LIN7A: variants seen among roughly 807,000 people sequenced by gnomAD.
LIN7A encodes lin-7 cell polarity scaffold A, also known as protein lin-7 homolog A.
Under a neutral mutation model 29.8 loss-of-function variants are expected in LIN7A, and 25 were observed. The ratio of observed to expected loss-of-function variants is 0.84; its 90% CI spans 0.61 to 1.17. The LOEUF (loss-of-function observed/expected upper bound fraction) is 1.17. LIN7A is among the 50% of genes most tolerant of loss of function. LIN7A has a pLI of 0.00. For missense variants in LIN7A, 239 were observed against 287.0 expected, an observed-to-expected ratio of 0.83 and a Z score of 1.21; for synonymous variants, 118 against 107.5, an observed-to-expected ratio of 1.10 and a Z score of -0.60.
intron 2 of LIN7A, 135 bp from the exon 3 acceptor site, chr12:80,848,457 G>A: frequency 3.1e-6 from 2 of 635,544 alleles, no homozygotes; most frequent in South Asian, 3.8e-5. Context: ...TGATGTTTGG[G>A]AATGTACCTG....
rs1471568564 is a variant in LIN7A, at chr12:80,793,832, T to C, written c.*3895A>G. 1.3e-5 allele frequency: 2 copies of C among 152,162 alleles called. No homozygotes were observed. Among genetic ancestry groups the C allele is most frequent in the Admixed American group, 6.5e-5 (1 of 15,280 alleles). 9.4% of individuals were successfully genotyped at this position (152,162 alleles called of 1,614,324 possible). A position where few individuals can be genotyped will look rare whatever the true frequency, so the allele number is the denominator to read the frequency against. ...TAATATGCCTGATGATCTTTTTATA[T>C]AAAAATGAAAATATCTTTTATAAAA... On this transcript the variant is annotated 3_prime_UTR_variant, in exon 6 of 6. Transcript: ENST00000552864.
intron 4 of LIN7A, among the ~76,000 whole-genome samples, chr12:80,842,683 C>A (rs1377690094): frequency 6.6e-6 from 1 of 151,702 alleles, no homozygotes; most frequent in African/African-American, 2.4e-5. Flanking sequence ...ACTGATAAAA[C>A]CTCTGGGCTC....
At chr12:80,845,446 TA>T (rs1156353704) in intron 4 of LIN7A, 1 of 306,674 alleles carries the variant, frequency 3.3e-6, no homozygotes, top group Admixed American at 5.0e-5. Flanking sequence ...TGTATTCTTG[TA>T]AATGTTACTT....
At chr12:80,919,066 C>G (rs534179060) in intron 1 of LIN7A, among the ~76,000 whole-genome samples, 3 of 152,340 alleles carry the variant, frequency 2.0e-5, no homozygotes, top group Non-Finnish European at 4.4e-5. Context: ...TAAGTACACT[C>G]TATGACATTC....
chr12:80,907,053 C>CTGTGTGTGTGTA (rs1491359652), intron 1 of LIN7A, among the ~76,000 whole-genome samples: 1 of 132,950 alleles, frequency 7.5e-6, no homozygotes, highest in Non-Finnish European at 1.6e-5. Context: ...AGAGTGCGTG[C>CTGTGTGTGTGTA]TCTGTGTGTG....
intron 1 of LIN7A, among the ~76,000 whole-genome samples, chr12:80,907,078 T>C (rs1005574342): frequency 4.6e-5 from 7 of 151,514 alleles, no homozygotes; most frequent in African/African-American, 1.7e-4. Context: ...TGTGTGTGTG[T>C]GTGTGTGTGT....
At chr12:80,895,936 G>T (rs1170051001) in intron 1 of LIN7A, among the ~76,000 whole-genome samples, 1 of 152,154 alleles carries the variant, frequency 6.6e-6, no homozygotes, top group Non-Finnish European at 1.5e-5. Flanking sequence ...ATTCTTGTCT[G>T]TGAGAAAAAA....
intron 2 of LIN7A, among the ~76,000 whole-genome samples, chr12:80,855,043 C>T (rs537818670): frequency 3.9e-4 from 59 of 152,054 alleles, no homozygotes; most frequent in Non-Finnish European, 5.6e-4. Context: ...TTTTGTAGTG[C>T]CTCGTTATAG....
chr12:80,888,745 AG>A (rs1023514807), intron 2 of LIN7A, among the ~76,000 whole-genome samples: 2 of 152,170 alleles, frequency 1.3e-5, no homozygotes, highest in African/African-American at 4.8e-5. Flanking sequence ...GTTTCACCTT[AG>A]TCTTCTTGAA....
chr12:80,888,278 C>T (rs984858201), intron 2 of LIN7A, among the ~76,000 whole-genome samples: 7 of 152,144 alleles, frequency 4.6e-5, no homozygotes, highest in Non-Finnish European at 7.4e-5. Context: ...TGCATAGGCA[C>T]CAGTTTAAAT....
At chr12:80,911,167 A>G (rs1303438013) in intron 1 of LIN7A, among the ~76,000 whole-genome samples, 1 of 152,072 alleles carries the variant, frequency 6.6e-6, no homozygotes, top group Non-Finnish European at 1.5e-5. Context: ...ACATATGTTC[A>G]CTGACTCTAT....
rs1020903087 is a variant in LIN7A at position 80,888,302 on chromosome 12, T to C, written c.201+949A>G. Among the ~76,000 whole-genome samples the C allele has an allele frequency of 2.0e-5, 3 of 152,102 alleles. 1 individual carries two copies. Among genetic ancestry groups the C allele is most frequent in the African/African-American group, 7.2e-5 (3 of 41,436 alleles). On this transcript the variant is annotated intron_variant, in intron 2 of 5. Transcript: ENST00000552864. Reference sequence around the variant, plus strand: ...ACCAGTTTAAATCTGTAGTGAGAAGTTTTGTATGTCTTTATCTTGGTCTTT... The same window carrying C: ...ACCAGTTTAAATCTGTAGTGAGAAGCTTTGTATGTCTTTATCTTGGTCTTT...
chr12:80,798,860 G>A (rs1320019341), intron 5 of LIN7A, among the ~76,000 whole-genome samples: 1 of 151,336 alleles, frequency 6.6e-6, no homozygotes, highest in African/African-American at 2.4e-5. Flanking sequence ...AGCCTCCTGA[G>A]TAGCTGGGAC....
At chr12:80,808,358 T>A (rs13313195) in intron 5 of LIN7A, among the ~76,000 whole-genome samples, 37,244 of 152,060 alleles carry the variant, frequency 0.24, 5,328 homozygotes, top group Non-Finnish European at 0.33. Context: ...GTTTATTTGT[T>A]TATTAACTAT....
At chr12:80,817,828 C>T (rs1592859033) in intron 4 of LIN7A, among the ~76,000 whole-genome samples, 1 of 152,108 alleles carries the variant, frequency 6.6e-6, no homozygotes, top group East Asian at 1.9e-4. Flanking sequence ...GATGACTGCT[C>T]TTTCAACAAC....
At chr12:80,828,481 A>T (rs1872189191) in intron 4 of LIN7A, among the ~76,000 whole-genome samples, 1 of 152,174 alleles carries the variant, frequency 6.6e-6, no homozygotes, top group African/African-American at 2.4e-5. Context: ...ATATGTAAAA[A>T]TAGCAGTGCA....
intron 2 of LIN7A, among the ~76,000 whole-genome samples, chr12:80,865,571 T>C (rs1426999610): frequency 2.0e-5 from 3 of 152,210 alleles, no homozygotes; most frequent in African/African-American, 7.2e-5. Flanking sequence ...TGTAGTGTGA[T>C]CACAAACATG....
In LIN7A at chr12:80,912,713, CAA is replaced by C. The variant is rs5799498; in HGVS notation, c.83-23346_83-23345del. 2.1e-4 allele frequency among the ~76,000 whole-genome samples: 29 copies of C among 135,368 alleles called. No individual in the cohort carries two copies. In the South Asian group the frequency reaches 3.7e-3, roughly 17 times the overall value. 88.8% of individuals were successfully genotyped at this position (135,368 alleles called of 152,430 possible). On this transcript the variant is annotated intron_variant, in intron 1 of 5. Coordinates refer to ENST00000552864, the MANE Select transcript of LIN7A (RefSeq NM_004664.4). ...CTGGGTGACAGACTGAGACTTGTCT[CAA>C]AAAAAAAAAAAAAAGAAAAGAAAAG...
intron 1 of LIN7A, among the ~76,000 whole-genome samples, chr12:80,894,622 T>C (rs1291442741): frequency 6.6e-6 from 1 of 152,164 alleles, no homozygotes; most frequent in Non-Finnish European, 1.5e-5. Flanking sequence ...TAAGGGGATA[T>C]TAAAAATTGA....
Sources: gnomAD v4.1 joint callset for allele counts (sites outside exome capture counted in the v4.1 genomes callset) on GRCh38, gnomAD v4.1.1 for gene constraint, MANE v1.5 for transcripts, NCBI Gene and HGNC (gene_info 2026-07-23, HGNC 2026-07-21) for gene names.